Variants in ESR1 observed in about 807,000 individuals in gnomAD.
ESR1 encodes estrogen receptor.
Under a neutral mutation model 52.7 loss-of-function variants are expected in ESR1, and 12 were observed. The ratio of observed to expected loss-of-function variants is 0.23; its 90% CI spans 0.15 to 0.37. The LOEUF is 0.37. Among genes scored for constraint, ESR1 ranks in the 10% least tolerant of loss-of-function variants. The pLI is 1.00. For synonymous variants in ESR1, 305 were observed against 316.8 expected (o/e 0.96, Z 0.39); for missense variants, 584 against 779.7 (o/e 0.75, Z 2.99).
intron 1 of ESR1, among the ~76,000 whole-genome samples, chr6:151,820,873 A>T (rs1217380682): frequency 6.6e-6 from 1 of 152,216 alleles, no homozygotes; most frequent in African/African-American, 2.4e-5. Flanking sequence ...ACTTGCTGGT[A>T]GCAACCTTAG....
chr6:151,730,000 C>T (rs1466074304), intron 2 of ESR1, among the ~76,000 whole-genome samples: 2 of 152,164 alleles, frequency 1.3e-5, no homozygotes, highest in Non-Finnish European at 2.9e-5. Flanking sequence ...TCTTGGTCTG[C>T]CTCCATTCTG....
intron 1 of ESR1, among the ~76,000 whole-genome samples, chr6:151,674,135 A>C (rs1285423785): frequency 6.6e-6 from 1 of 152,104 alleles, no homozygotes; most frequent in Admixed American, 6.5e-5. Context: ...TCTAGGTTTT[A>C]AGCCTTGCAT....
intron 6 of ESR1, among the ~76,000 whole-genome samples, chr6:152,080,654 TA>T (rs551491739): frequency 1.5e-3 from 230 of 152,248 alleles, no homozygotes; most frequent in African/African-American, 5.2e-3. Context: ...AACATAACAA[TA>T]TTAACCTTAA....
At chr6:151,843,217 C>T (rs1036023065) in intron 2 of ESR1, among the ~76,000 whole-genome samples, 1 of 152,186 alleles carries the variant, frequency 6.6e-6, no homozygotes, top group Non-Finnish European at 1.5e-5. Context: ...CTTGTCCAGG[C>T]AAATATTCTG....
intron 1 of ESR1, among the ~76,000 whole-genome samples, chr6:151,666,209 C>T (rs1009498317): frequency 6.6e-6 from 1 of 152,150 alleles, no homozygotes; most frequent in Admixed American, 6.5e-5. Context: ...TTAAAAAACT[C>T]AACAAGTTCC....
intron 5 of ESR1, among the ~76,000 whole-genome samples, chr6:152,054,255 C>T (rs1344713943): frequency 6.6e-6 from 1 of 151,948 alleles, no homozygotes; most frequent in East Asian, 1.9e-4. Flanking sequence ...CTCTGAATTT[C>T]CCTCTTTCTG....
In ESR1 at chr6:151,944,279, C is replaced by T. The variant is rs375059127; in HGVS notation, c.867C>T (p.Ala289=). 1.9e-6 allele frequency: 3 copies of T among 1,614,042 alleles called. No individual in the cohort carries two copies. Among genetic ancestry groups the T allele is most frequent in the Admixed American group, 3.3e-5 (2 of 60,002 alleles). Residue 289 remains alanine, a synonymous_variant, in exon 4 of 8, where the codon GCC becomes GCT. Transcript: ENST00000206249. ...GGTCTGCTGGAGACATGAGAGCTGC[C>T]AACCTTTGGCCAAGCCCGCTCATGA... is the stretch of plus-strand genomic sequence containing the variant. ...EVGSAGDMRA[A]NLWPSPLMIK...
intron 5 of ESR1, among the ~76,000 whole-genome samples, chr6:152,017,166 C>T (rs937942979): frequency 5.9e-5 from 9 of 152,170 alleles, no homozygotes; most frequent in African/African-American, 2.2e-4. Context: ...TGCCATCCCA[C>T]ATTTGTGAGC....
At chr6:151,982,171 G>T (rs2040051381) in intron 4 of ESR1, among the ~76,000 whole-genome samples, 1 of 152,228 alleles carries the variant, frequency 6.6e-6, no homozygotes, top group Admixed American at 6.5e-5. Context: ...CATGCCTAAT[G>T]GGCAGGCTGA....
chr6:152,063,577 A>G (rs2047719195), intron 6 of ESR1, among the ~76,000 whole-genome samples: 1 of 152,240 alleles, frequency 6.6e-6, no homozygotes, highest in Non-Finnish European at 1.5e-5. Flanking sequence ...AGAATAAAAA[A>G]GCAATCAGTC....
At chr6:151,708,559 T>C (rs940103126) in intron 2 of ESR1, among the ~76,000 whole-genome samples, 1 of 152,184 alleles carries the variant, frequency 6.6e-6, no homozygotes, top group Non-Finnish European at 1.5e-5. Flanking sequence ...GAGAGTATCA[T>C]TTTCCTCACT....
intron 2 of ESR1, among the ~76,000 whole-genome samples, chr6:151,743,605 G>A (rs1783260040): frequency 2.0e-5 from 3 of 151,960 alleles, no homozygotes; most frequent in African/African-American, 7.3e-5. Flanking sequence ...CATAGAACTT[G>A]GTCTCTGATG....
At chr6:151,761,327 A>G (rs1346945573) in intron 2 of ESR1, among the ~76,000 whole-genome samples, 4 of 152,194 alleles carry the variant, frequency 2.6e-5, no homozygotes, top group African/African-American at 9.6e-5. Context: ...ACTTTAAAAT[A>G]GTAGAAACAA....
intron 2 of ESR1, among the ~76,000 whole-genome samples, chr6:151,798,422 A>G (rs1038081319): frequency 3.3e-5 from 5 of 152,234 alleles, no homozygotes; most frequent in African/African-American, 1.2e-4. Context: ...AGAATTTGGT[A>G]TAAGAATTTG....
chr6:151,858,876 G>T (rs1420959027), intron 2 of ESR1, among the ~76,000 whole-genome samples: 1 of 152,172 alleles, frequency 6.6e-6, no homozygotes, highest in African/African-American at 2.4e-5. Flanking sequence ...TAACAGAGGA[G>T]ACCAATTTAC....
intron 3 of ESR1, among the ~76,000 whole-genome samples, chr6:151,890,480 T>C (rs1022145422): frequency 6.6e-6 from 1 of 152,234 alleles, no homozygotes; most frequent in African/African-American, 2.4e-5. Flanking sequence ...TGAAATATTC[T>C]GTATGTATCT....
chr6:151,704,502 G>T (rs186138300), intron 2 of ESR1, among the ~76,000 whole-genome samples: 1 of 152,106 alleles, frequency 6.6e-6, no homozygotes, highest in Admixed American at 6.5e-5. Flanking sequence ...TGATCCACCC[G>T]CCTCAGCCTC....
chr6:151,801,927 A>G (rs1173801257), upstream of ESR1, among the ~76,000 whole-genome samples: 1 of 152,216 alleles, frequency 6.6e-6, no homozygotes, highest in Non-Finnish European at 1.5e-5. Context: ...CATGGTCCAT[A>G]GAGATCATAG....
At chr6:151,906,707 T>A (rs918084033) in intron 3 of ESR1, among the ~76,000 whole-genome samples, 2 of 148,482 alleles carry the variant, frequency 1.3e-5, no homozygotes, top group Non-Finnish European at 3.0e-5. Flanking sequence ...TGTCATCTAG[T>A]ATGCAGCTTG....
Sources: gnomAD v4.1 joint callset for allele counts (sites outside exome capture counted in the v4.1 genomes callset) on GRCh38, gnomAD v4.1.1 for gene constraint, MANE v1.5 for transcripts, NCBI Gene and HGNC (gene_info 2026-07-23, HGNC 2026-07-21) for gene names.